ESRRB: variants seen among roughly 807,000 people sequenced by gnomAD.
ESRRB encodes the protein estrogen related receptor beta, also known as steroid hormone receptor ERR2.
A neutral mutation model predicts 46.0 loss-of-function variants in ESRRB; 16 were observed. The ratio of observed to expected loss-of-function variants is 0.35; its 90% CI spans 0.24 to 0.53. The LOEUF (loss-of-function observed/expected upper bound fraction) is 0.53. Ranked by LOEUF, ESRRB falls within the 20% of genes least tolerant of loss-of-function variation. The probability of loss-of-function intolerance (pLI) is 0.93; values close to 1 mark genes in which losing one functional copy is unlikely to be tolerated. For missense variants in ESRRB, 488 were observed against 607.4 expected, an observed-to-expected ratio of 0.80 and a Z score of 2.07; for synonymous variants, 246 against 259.6, an observed-to-expected ratio of 0.95 and a Z score of 0.50.
intron 6 of ESRRB, among the ~76,000 whole-genome samples, chr14:76,496,681 G>A (rs1890442798): frequency 6.6e-6 from 1 of 152,312 alleles, no homozygotes; most frequent in South Asian, 2.1e-4. Context: ...GACCATTGAG[G>A]TGTCCTAGCA....
At chr14:76,426,384 C>T (rs1422057965) in intron 1 of ESRRB, among the ~76,000 whole-genome samples, 2 of 152,176 alleles carry the variant, frequency 1.3e-5, no homozygotes, top group African/African-American at 2.4e-5. Flanking sequence ...AGCCAACTGC[C>T]AGGGTGACTG....
At chr14:76,318,900 C>T (rs1037422668) in intron 1 of ESRRB, among the ~76,000 whole-genome samples, 1 of 152,184 alleles carries the variant, frequency 6.6e-6, no homozygotes, top group Non-Finnish European at 1.5e-5. Flanking sequence ...GACCACAATA[C>T]CCCTAATGTG....
At chr14:76,349,913 G>C (rs1225604691) in intron 1 of ESRRB, among the ~76,000 whole-genome samples, 1 of 152,212 alleles carries the variant, frequency 6.6e-6, no homozygotes, top group African/African-American at 2.4e-5. Context: ...CCATGTGCCT[G>C]GGGTGGGTCT....
chr14:76,399,270 C>T (rs1035719740), intron 1 of ESRRB, among the ~76,000 whole-genome samples: 6 of 152,146 alleles, frequency 3.9e-5, no homozygotes, highest in South Asian at 2.1e-4. Flanking sequence ...CTCCCTGTGA[C>T]GGAGTCCAAG....
At chr14:76,442,213 C>T (rs972457664) in intron 2 of ESRRB, among the ~76,000 whole-genome samples, 7 of 152,154 alleles carry the variant, frequency 4.6e-5, no homozygotes, top group South Asian at 2.1e-4. Flanking sequence ...TGGTGGCTCA[C>T]GCCTGTAATC....
chr14:76,358,391 G>T (rs374259961), intron 1 of ESRRB, among the ~76,000 whole-genome samples: 3 of 61,838 alleles, frequency 4.9e-5, no homozygotes, highest in Admixed American at 1.7e-4. Context: ...AAGAAAGAAA[G>T]AAAGAAAGAA....
Position 76,495,494 on chromosome 14 carries a change from T to C in ESRRB, c.1121-2720T>C, listed in dbSNP as rs1890389312. ...CTTCCCAGCACGGAGGGGTTGAGCATGAGGCCCTCTTGCTATCAAGTAGAT... is the reference window on the plus strand; with the variant it reads ...CTTCCCAGCACGGAGGGGTTGAGCACGAGGCCCTCTTGCTATCAAGTAGAT... On this transcript the variant is annotated intron_variant, in intron 6 of 6. Transcript: ENST00000644823. 5.3e-5 allele frequency: 8 copies of C among 150,858 alleles called. 1 individual carries two copies. The South Asian group carries it at 1.7e-3, about 32-fold the overall frequency. The allele number at this position is 150,858 out of a possible 1,614,324, so 9.3% of individuals were successfully genotyped here. A position where few individuals can be genotyped will look rare whatever the true frequency, so the allele number is the denominator to read the frequency against.
At chr14:76,400,315 A>T (rs1329007516) in intron 1 of ESRRB, among the ~76,000 whole-genome samples, 1 of 152,206 alleles carries the variant, frequency 6.6e-6, no homozygotes, top group East Asian at 1.9e-4. Context: ...CAAGCTGAGA[A>T]CATAATCTGG....
At chr14:76,440,514 T>TTAAA (rs1323169719) in intron 2 of ESRRB, among the ~76,000 whole-genome samples, 1 of 152,086 alleles carries the variant, frequency 6.6e-6, no homozygotes, top group Non-Finnish European at 1.5e-5. Flanking sequence ...GCTCATCCTG[T>TTAAA]CTGGATCCCA....
At chr14:76,494,668 G>A (rs1426740340) in intron 6 of ESRRB, among the ~76,000 whole-genome samples, 1 of 152,146 alleles carries the variant, frequency 6.6e-6, no homozygotes, top group Non-Finnish European at 1.5e-5. Flanking sequence ...CTACAATGAC[G>A]TATCATACAA....
intron 2 of ESRRB, among the ~76,000 whole-genome samples, chr14:76,458,183 T>G (rs1027474595): frequency 1.1e-4 from 17 of 152,092 alleles, no homozygotes; most frequent in South Asian, 6.2e-4. Flanking sequence ...TCCCCAAAAC[T>G]GCCACACCTC....
intron 3 of ESRRB, among the ~76,000 whole-genome samples, chr14:76,476,879 G>A (rs1049871991): frequency 1.3e-5 from 2 of 152,204 alleles, no homozygotes; most frequent in African/African-American, 4.8e-5. Flanking sequence ...CACTGAACAT[G>A]GCTGTCCCTT....
chr14:76,342,925 C>T (rs970179008), intron 1 of ESRRB, among the ~76,000 whole-genome samples: 2 of 152,080 alleles, frequency 1.3e-5, no homozygotes, highest in Non-Finnish European at 2.9e-5. Context: ...GGGCAGGGAT[C>T]GAGTAAGCAA....
At chr14:76,373,909 G>T (rs1465290291), upstream of ESRRB, among the ~76,000 whole-genome samples, 2 of 152,216 alleles carry the variant, frequency 1.3e-5, no homozygotes, top group Non-Finnish European at 2.9e-5. Context: ...TTTGCTCCCA[G>T]TGGCTTTGAA....
chr14:76,330,261 T>A (rs1199302472), intron 1 of ESRRB, among the ~76,000 whole-genome samples: 1 of 152,128 alleles, frequency 6.6e-6, no homozygotes, highest in Admixed American at 6.5e-5. Flanking sequence ...TGATGTGGGA[T>A]GGGGTCCCGG....
rs576315445 is a variant in ESRRB, at chr14:76,365,917, T to C, written c.2+55001T>C. 2.6e-5 allele frequency among the ~76,000 whole-genome samples: 4 copies of C among 152,332 alleles called. No homozygotes were observed. The East Asian group carries it at 5.8e-4, about 22-fold the overall frequency. Reference sequence around the variant, plus strand: ...TTCTGTACAGAAAATGCCTCTCTTATTGCTCGCTGACATCCGGTCTCCTTC... The same window carrying C: ...TTCTGTACAGAAAATGCCTCTCTTACTGCTCGCTGACATCCGGTCTCCTTC... On this transcript the variant is annotated intron_variant, in intron 1 of 6. Transcript: ENST00000512784.
At chr14:76,407,211 G>A (rs1319039222) in intron 1 of ESRRB, among the ~76,000 whole-genome samples, 2 of 152,210 alleles carry the variant, frequency 1.3e-5, no homozygotes, top group Non-Finnish European at 2.9e-5. Flanking sequence ...TCGGTTGGGG[G>A]CAGAGACCAG....
chr14:76,344,614 G>A (rs1884227781), intron 1 of ESRRB, among the ~76,000 whole-genome samples: 1 of 152,174 alleles, frequency 6.6e-6, no homozygotes, highest in African/African-American at 2.4e-5. Flanking sequence ...ACTTTGGGAG[G>A]CTGAGACAGG....
At chr14:76,437,280 C>A (rs1887714292) in intron 1 of ESRRB, among the ~76,000 whole-genome samples, 1 of 152,170 alleles carries the variant, frequency 6.6e-6, no homozygotes, top group African/African-American at 2.4e-5. Context: ...GATCCACCCA[C>A]CTCAGCCTCC....
Sources: allele counts gnomAD v4.1 joint callset (sites outside exome capture counted in the v4.1 genomes callset), GRCh38; gene constraint gnomAD v4.1.1; transcripts MANE v1.5; gene names NCBI Gene and HGNC (gene_info 2026-07-23, HGNC 2026-07-21).